Variants in NDUFAF2 observed in about 807,000 individuals in gnomAD.
The protein encoded by NDUFAF2 is NADH dehydrogenase [ubiquinone] 1 alpha subcomplex assembly factor 2.
Under a neutral mutation model 22.8 loss-of-function variants are expected in NDUFAF2, and 13 were observed. The observed-to-expected ratio is 0.57, with a 90% CI of 0.37 to 0.91. NDUFAF2 has a LOEUF of 0.91. Among genes scored for constraint, NDUFAF2 ranks in the 40% least tolerant of loss-of-function variants. The probability of loss-of-function intolerance (pLI) is 0.01; values close to 1 mark genes in which losing one functional copy is unlikely to be tolerated. For synonymous variants in NDUFAF2, 53 were observed against 64.2 expected (o/e 0.83, Z 0.84); for missense variants, 162 against 195.2 (o/e 0.83, Z 1.01).
In NDUFAF2 at chr5:61,047,124, T is replaced by C. The variant is rs1043441169; in HGVS notation, c.128-26001T>C. Among the ~76,000 whole-genome samples, 5 of 152,268 alleles carry C rather than the reference T, an allele frequency of 3.3e-5. 1 individual carries two copies. The highest frequency in any genetic ancestry group is 7.2e-5 in the African/African-American group (3 of 41,552). On this transcript the variant is annotated intron_variant, in intron 1 of 3. Coordinates refer to ENST00000296597, the MANE Select transcript of NDUFAF2 (RefSeq NM_174889.5). ...GCTAGGTCTTAAACATGATTTTAAC[T>C]TTCTGTGGTCAAAACCTGACTTATG...
chr5:60,973,119 G>T (rs1750857629), intron 1 of NDUFAF2, among the ~76,000 whole-genome samples: 1 of 151,922 alleles, frequency 6.6e-6, no homozygotes, highest in South Asian at 2.1e-4. Flanking sequence ...CCTTGCCTTT[G>T]TTTTAGACTT....
rs2111789125 is a variant in NDUFAF2 at position 61,114,433 on chromosome 5, C to T, written c.258+15401C>T. The T allele has an allele frequency of 2.0e-5, 3 of 152,146 alleles. No individual in the cohort carries two copies. The South Asian group carries it at 6.2e-4, about 32-fold the overall frequency. 9.4% of individuals were successfully genotyped at this position (152,146 alleles called of 1,614,324 possible). On this transcript the variant is annotated intron_variant, in intron 3 of 3. Transcript: ENST00000296597. ...TATCTGATAGAATAGTGAATTCCTC[C>T]TCTGTGTTATCTTGAATTTCATTGA...
chr5:61,021,470 A>G (rs1751583067), intron 1 of NDUFAF2, among the ~76,000 whole-genome samples: 1 of 152,122 alleles, frequency 6.6e-6, no homozygotes, highest in African/African-American at 2.4e-5. Flanking sequence ...AATTCAGGAT[A>G]ACTTCTTCAT....
intron 1 of NDUFAF2, among the ~76,000 whole-genome samples, chr5:61,004,388 A>G (rs1055894930): frequency 6.6e-6 from 1 of 152,110 alleles, no homozygotes; most frequent in Non-Finnish European, 1.5e-5. Flanking sequence ...TTAATAATAC[A>G]AGAGTCTGAT....
intron 1 of NDUFAF2, among the ~76,000 whole-genome samples, chr5:60,982,327 A>G (rs1165005697): frequency 6.6e-6 from 1 of 152,130 alleles, no homozygotes; most frequent in Non-Finnish European, 1.5e-5. Context: ...AGCAAGTCAT[A>G]TCTTACATGG....
At chr5:61,091,998 C>G (rs1202307761) in intron 2 of NDUFAF2, among the ~76,000 whole-genome samples, 1 of 152,036 alleles carries the variant, frequency 6.6e-6, no homozygotes, top group Non-Finnish European at 1.5e-5. Context: ...GATCAGATAG[C>G]TGTAGGTGTG....
At chr5:61,022,734 TC>T in intron 1 of NDUFAF2, among the ~76,000 whole-genome samples, 1 of 152,328 alleles carries the variant, frequency 6.6e-6, no homozygotes, top group Non-Finnish European at 1.5e-5. Flanking sequence ...AACCTCTGCC[TC>T]CCAGGTTCAA....
chr5:61,150,784 C>T (rs1741223907), intron 3 of NDUFAF2, among the ~76,000 whole-genome samples: 1 of 152,100 alleles, frequency 6.6e-6, no homozygotes, highest in South Asian at 2.1e-4. Flanking sequence ...CTCCAAAGAA[C>T]GAACTTCCAT....
chr5:61,050,918 C>T (rs1369764064), intron 1 of NDUFAF2, among the ~76,000 whole-genome samples: 1 of 151,806 alleles, frequency 6.6e-6, no homozygotes, highest in East Asian at 1.9e-4. Context: ...TTCACTAAGG[C>T]AGGAAAAAAA....
At chr5:60,949,658 A>G (rs999787418) in intron 1 of NDUFAF2, among the ~76,000 whole-genome samples, 1 of 152,218 alleles carries the variant, frequency 6.6e-6, no homozygotes, top group African/African-American at 2.4e-5. Context: ...GCTACTCAAG[A>G]GAGACAAATT....
rs773988847 is a variant in NDUFAF2, at chr5:60,945,355, T to C, written c.100T>C (p.Tyr34His). 2.0e-5 allele frequency: 33 copies of C among 1,614,060 alleles called. 2 individuals carry two copies. The Middle Eastern group carries it at 1.3e-3, about 64-fold the overall frequency. The change falls in exon 1 of 4, where the codon TAC becomes CAC. Residue 34 changes from tyrosine (Y) to histidine (H), a missense_variant. Tyr to His is a moderately conservative substitution (Grantham distance 83). This residue lies in a region of NDUFAF2 where 94 missense variants were observed against 85.2 expected (regional missense o/e 1.10). Transcript: ENST00000296597. ...GGACCAATTCGGGAACAAATACTACTACATCCCGCAGTACAAGAACTGGAG... is the reference window on the plus strand; with the variant it reads ...GGACCAATTCGGGAACAAATACTACCACATCCCGCAGTACAAGAACTGGAG... ...GTDQFGNKYY[Y>H]IPQYKNWRGQ...
At chr5:60,958,145 G>A (rs149239656) in intron 1 of NDUFAF2, among the ~76,000 whole-genome samples, 1 of 152,268 alleles carries the variant, frequency 6.6e-6, no homozygotes, top group African/African-American at 2.4e-5. Context: ...CTCATCCTGT[G>A]TCATTTGTTA....
chr5:60,995,177 A>G (rs1751213284), intron 1 of NDUFAF2, among the ~76,000 whole-genome samples: 1 of 152,156 alleles, frequency 6.6e-6, no homozygotes, highest in Non-Finnish European at 1.5e-5. Context: ...TTTCTCCCAA[A>G]TAGTTACCTA....
intron 1 of NDUFAF2, among the ~76,000 whole-genome samples, chr5:61,060,469 C>G (rs1752149856): frequency 6.6e-6 from 1 of 152,126 alleles, no homozygotes; most frequent in Non-Finnish European, 1.5e-5. Context: ...TACATCACCA[C>G]CAGTCAACAA....
intron 3 of NDUFAF2, among the ~76,000 whole-genome samples, chr5:61,124,662 G>A (rs1270638459): frequency 2.0e-5 from 3 of 152,028 alleles, no homozygotes; most frequent in African/African-American, 2.4e-5. Flanking sequence ...ACATTGAAAT[G>A]TTCAGTAGCG....
intron 3 of NDUFAF2, among the ~76,000 whole-genome samples, chr5:61,110,138 G>T (rs1020559674): frequency 2.6e-5 from 4 of 152,050 alleles, no homozygotes; most frequent in Admixed American, 2.6e-4. Flanking sequence ...GCATCCCTAG[G>T]ATAAATCCTA....
At chr5:61,107,044 T>TACACACACACACACAC (rs71578646) in intron 3 of NDUFAF2, among the ~76,000 whole-genome samples, 1,191 of 64,558 alleles carry the variant, frequency 0.018, 7 homozygotes, top group Non-Finnish European at 0.025. Flanking sequence ...TTTGGATAAA[T>TACACACACACACACAC]ATACACACAC....
At chr5:61,076,452 C>A (rs775337223) in intron 2 of NDUFAF2, among the ~76,000 whole-genome samples, 1 of 152,230 alleles carries the variant, frequency 6.6e-6, no homozygotes, top group Non-Finnish European at 1.5e-5. Flanking sequence ...GCTAGTCATG[C>A]AGCTAACCAG....
chr5:61,014,615 C>T (rs929915789), intron 1 of NDUFAF2, among the ~76,000 whole-genome samples: 3 of 152,078 alleles, frequency 2.0e-5, no homozygotes, highest in Non-Finnish European at 2.9e-5. Flanking sequence ...AGTCTTGGGA[C>T]GTAACCTATG....
Sources: gnomAD v4.1 joint callset for allele counts (sites outside exome capture counted in the v4.1 genomes callset) on GRCh38, gnomAD v4.1.1 for gene constraint, gnomAD v4.1.1 regional missense constraint, MANE v1.5 for transcripts, NCBI Gene and HGNC (gene_info 2026-07-23, HGNC 2026-07-21) for gene names.